The following DCHS2 variants were observed in gnomAD, a reference collection of about 807,000 sequenced individuals.
The protein encoded by DCHS2 is dachsous cadherin-related 2, also known as protocadherin-23.
A neutral mutation model predicts 182.4 loss-of-function variants in DCHS2; 142 were observed. The ratio of observed to expected loss-of-function variants is 0.78; its 90% CI spans 0.68 to 0.89. The LOEUF is 0.89. DCHS2 is among the 40% of genes least tolerant of loss of function. The pLI is 0.00. For synonymous variants in DCHS2, 1,740 were observed against 1,663.3 expected (o/e 1.05, Z -1.12); for missense variants, 4,319 against 4,198.6 (o/e 1.03, Z -0.79).
At chr4:154,327,044 C>T (rs1561044285) in intron 7 of DCHS2, among the ~76,000 whole-genome samples, 1 of 151,986 alleles carries the variant, frequency 6.6e-6, no homozygotes, top group Non-Finnish European at 1.5e-5. Flanking sequence ...TCTTTTATGT[C>T]CTTCATTAAT....
At position 154,410,614 on chromosome 4, in the gene DCHS2, A is replaced by T. The variant is rs532417704; in HGVS notation, c.2053-33170T>A. On this transcript the variant is annotated intron_variant, in intron 1 of 19. Coordinates refer to ENST00000357232, the MANE Select transcript of DCHS2 (RefSeq NM_001358235.2). ...AAAAAAAAAAAAATGAAGGCAGCCT[A>T]TGGGACTCATGGGACACCAATAAGC... Among the ~76,000 whole-genome samples, 38 of 147,942 alleles carry T rather than the reference A, an allele frequency of 2.6e-4. No individual in the cohort carries two copies. In the South Asian group the frequency reaches 7.5e-3, roughly 29 times the overall value.
chr4:154,284,342 G>C (rs896751677), intron 13 of DCHS2: 3 of 152,172 alleles, frequency 2.0e-5, no homozygotes, highest in African/African-American at 7.2e-5. Context: ...GAGCAAGATG[G>C]CAAAATAGAA....
intron 5 of DCHS2, among the ~76,000 whole-genome samples, chr4:154,332,000 G>A (rs1056021609): frequency 5.3e-5 from 8 of 152,160 alleles, no homozygotes; most frequent in African/African-American, 1.9e-4. Context: ...TATTCTTAGA[G>A]TGATTTTGAA....
chr4:154,335,705 G>A (rs1203762484), intron 3 of DCHS2, among the ~76,000 whole-genome samples: 1 of 152,102 alleles, frequency 6.6e-6, no homozygotes, highest in African/African-American at 2.4e-5. Context: ...ATCCTGTTGG[G>A]TCTGTTCTCT....
chr4:154,308,815 G>C (rs559361553), intron 10 of DCHS2, among the ~76,000 whole-genome samples: 12 of 152,254 alleles, frequency 7.9e-5, no homozygotes, highest in African/African-American at 2.9e-4. Flanking sequence ...TACCCTCATG[G>C]TGCTTACAAT....
chr4:154,424,636 A>G (rs1488575479), intron 1 of DCHS2, among the ~76,000 whole-genome samples: 1 of 152,228 alleles, frequency 6.6e-6, no homozygotes, highest in Non-Finnish European at 1.5e-5. Flanking sequence ...CACTGTGAAG[A>G]AGTAAATGAA....
chr4:154,393,928 TGGGATAATTCCTCA>T (rs1731819022), intron 1 of DCHS2, among the ~76,000 whole-genome samples: 1 of 152,180 alleles, frequency 6.6e-6, no homozygotes, highest in African/African-American at 2.4e-5. Flanking sequence ...GATGCACATA[TGGGATAATTCCTCA>T]GTCTCAGACA....
intron 19 of DCHS2, 39 bp downstream of exon 19, chr4:154,239,131 C>T: frequency 6.3e-7 from 1 of 1,583,240 alleles, no homozygotes; most frequent in Non-Finnish European, 8.6e-7. Context: ...ACTTTGAAAC[C>T]CAAACCTATG....
chr4:154,377,870 C>T (rs1484329109), intron 1 of DCHS2, among the ~76,000 whole-genome samples: 5 of 152,150 alleles, frequency 3.3e-5, no homozygotes, highest in Non-Finnish European at 1.5e-5. Flanking sequence ...AGGCTTGATG[C>T]CCCCCACCTT....
At chr4:154,374,692 T>G (rs556929881) in intron 2 of DCHS2, among the ~76,000 whole-genome samples, 5 of 152,156 alleles carry the variant, frequency 3.3e-5, no homozygotes, top group Non-Finnish European at 7.4e-5. Context: ...TTCCCCAAAA[T>G]TCACAGCTTA....
chr4:154,259,912 T>C (rs908295762), intron 14 of DCHS2, among the ~76,000 whole-genome samples, 156 bp from the exon 15 acceptor site: 1 of 152,144 alleles, frequency 6.6e-6, no homozygotes, highest in African/African-American at 2.4e-5. Flanking sequence ...AACCTACGCC[T>C]CCCGGGTTCA....
At chr4:154,318,711 AAATGG>A (rs910947570) in intron 9 of DCHS2, among the ~76,000 whole-genome samples, 1 of 152,162 alleles carries the variant, frequency 6.6e-6, no homozygotes, top group Non-Finnish European at 1.5e-5. Flanking sequence ...AAGAAGATAC[AAATGG>A]AAAGACATGT....
chr4:154,422,503 C>T (rs1017690090), intron 1 of DCHS2, among the ~76,000 whole-genome samples: 3 of 152,148 alleles, frequency 2.0e-5, no homozygotes, highest in Non-Finnish European at 4.4e-5. Context: ...CTATCAGAAC[C>T]CTGGGCTATT....
chr4:154,432,224 T>G (rs967336867), intron 1 of DCHS2, among the ~76,000 whole-genome samples: 2 of 152,266 alleles, frequency 1.3e-5, no homozygotes, highest in African/African-American at 2.4e-5. Flanking sequence ...TTTTTACATA[T>G]TCTCCTGGAG....
At chr4:154,331,201 C>T (rs1736506884) in intron 5 of DCHS2, among the ~76,000 whole-genome samples, 1 of 152,098 alleles carries the variant, frequency 6.6e-6, no homozygotes, top group Admixed American at 6.5e-5. Flanking sequence ...GCTCTTTACC[C>T]CTCAAAGCAT....
At chr4:154,243,017 T>C (rs1731901488) in intron 16 of DCHS2, among the ~76,000 whole-genome samples, 1 of 152,182 alleles carries the variant, frequency 6.6e-6, no homozygotes, top group African/African-American at 2.4e-5. Flanking sequence ...GAGGCATTAA[T>C]GTCAAAATGG....
chr4:154,392,566 A>G (rs1731755832), intron 1 of DCHS2, among the ~76,000 whole-genome samples: 1 of 152,148 alleles, frequency 6.6e-6, no homozygotes, highest in African/African-American at 2.4e-5. Context: ...ACACCTGCAA[A>G]AGGGTCATAG....
chr4:154,326,927 T>C (rs1388660585), intron 7 of DCHS2, among the ~76,000 whole-genome samples: 3 of 152,230 alleles, frequency 2.0e-5, no homozygotes, highest in Non-Finnish European at 4.4e-5. Flanking sequence ...TCATTGAACA[T>C]TTGATTGAAA....
chr4:154,243,601 TG>T lies in DCHS2; in HGVS notation c.6942-830del, dbSNP rs576407319. On this transcript the variant is annotated intron_variant, in intron 16 of 19. Transcript: ENST00000357232. ...GGTAATCAGCACATTTTGCTTTGTC[TG>T]GGAGTGAAGAATTTCCTGGGACATG... 8.5e-5 allele frequency among the ~76,000 whole-genome samples: 13 copies of T among 152,268 alleles called. No homozygotes were observed. The East Asian group carries it at 2.5e-3, about 29-fold the overall frequency.
Sources: allele counts gnomAD v4.1 joint callset (sites outside exome capture counted in the v4.1 genomes callset), GRCh38; gene constraint gnomAD v4.1.1; transcripts MANE v1.5; gene names NCBI Gene and HGNC (gene_info 2026-07-23, HGNC 2026-07-21).